HECTD4: variants seen among roughly 807,000 people sequenced by gnomAD.
The protein encoded by HECTD4 is probable E3 ubiquitin-protein ligase HECTD4.
In HECTD4, 114 loss-of-function variants were observed where a neutral mutation model predicts 471.5. The observed-to-expected ratio is 0.24, with a 90% CI of 0.21 to 0.28. The LOEUF (loss-of-function observed/expected upper bound fraction) is 0.28. HECTD4 is among the 10% of genes least tolerant of loss of function. HECTD4 has a pLI of 1.00. For missense variants in HECTD4, 3,866 were observed against 5,651.5 expected (o/e 0.68, Z 10.13); for synonymous variants, 2,012 against 2,256.0 (o/e 0.89, Z 3.07).
intron 1 of HECTD4, chr12:112,323,221 A>G (rs1242293440): frequency 6.6e-6 from 1 of 152,338 alleles, no homozygotes; most frequent in Non-Finnish European, 1.5e-5. Context: ...ATAAATAAAT[A>G]AAATAAAATA....
intron 4 of HECTD4, among the ~76,000 whole-genome samples, chr12:112,311,624 A>G (rs1285772475): frequency 2.0e-5 from 3 of 150,934 alleles, no homozygotes; most frequent in Non-Finnish European, 4.4e-5. Flanking sequence ...CATCTCAAAA[A>G]AAAAAAAAAA....
intron 8 of HECTD4, 78 bp from the exon 9 acceptor site, chr12:112,279,464 T>G (rs565256460): frequency 4.0e-6 from 5 of 1,257,896 alleles, no homozygotes; most frequent in African/African-American, 1.5e-5. Context: ...GATTAGGATA[T>G]AATGAGGGAG....
Position 112,235,020 on chromosome 12 carries a change from T to A in HECTD4, c.5915+57A>T. The A allele has an allele frequency of 6.8e-7, 1 of 1,476,738 alleles. No individual in the cohort carries two copies. Among genetic ancestry groups the A allele is most frequent in the Non-Finnish European group, 9.2e-7 (1 of 1,088,266 alleles). The allele number at this position is 1,476,738 out of a possible 1,614,324, so 91.5% of individuals were successfully genotyped here. On this transcript the variant is annotated intron_variant, in intron 37 of 75. Coordinates refer to ENST00000682272, the MANE Select transcript of HECTD4 (RefSeq NM_001388303.1). This position sits in a 1 kb window ranked among gnomAD's most constrained non-coding sequence, Gnocchi z 5.0. ...CATGTACAGGGCTTACTTAGCACAG[T>A]GCCTGTGACATGGGTGGTGCTTGAG...
Position 112,371,475 on chromosome 12 carries a change from C to T in HECTD4, c.177+10477G>A, listed in dbSNP as rs564223739. ...CTGTAATCTCAGCTACTTGGGAGGC[C>T]GAGGCAGAAGAATAGCTTGAACCCA... On this transcript the variant is annotated intron_variant, in intron 1 of 75. Coordinates refer to ENST00000682272, the MANE Select transcript of HECTD4 (RefSeq NM_001388303.1). Among the ~76,000 whole-genome samples the T allele has an allele frequency of 1.9e-3, 289 of 151,390 alleles. 6 individuals are homozygous for T. The highest frequency in any genetic ancestry group is 2.9e-3 in the East Asian group (15 of 5,138).
chr12:112,251,169 G>C, intron 23 of HECTD4, 35 bp from the exon 24 acceptor site: 2 of 1,600,220 alleles, frequency 1.2e-6, no homozygotes, highest in East Asian at 4.5e-5. Flanking sequence ...ACACTGGTCA[G>C]TGTACACTGG....
At position 112,227,305 on chromosome 12, in the gene HECTD4, T is replaced by C. The variant is rs530842308; in HGVS notation, c.6855-547A>G. ...CGAGACCCCATCTCTACTAAAAATA[T>C]AAAAATTAGCCAGGAGTGGTGGTAT... On this transcript the variant is annotated intron_variant, in intron 43 of 75. Transcript: ENST00000682272. Among the ~76,000 whole-genome samples the C allele has an allele frequency of 3.9e-4, 60 of 151,908 alleles. No individual in the cohort carries two copies. In the East Asian group the frequency reaches 9.9e-3, roughly 25 times the overall value.
At chr12:112,349,248 G>A (rs999234572) in intron 1 of HECTD4, among the ~76,000 whole-genome samples, 1 of 151,834 alleles carries the variant, frequency 6.6e-6, no homozygotes, top group African/African-American at 2.4e-5. Flanking sequence ...ACTTAGCCGG[G>A]TGTGGTAACA....
chr12:112,251,165 G>C (rs1178531112), intron 23 of HECTD4, 31 bp from the exon 24 acceptor site: 1 of 1,606,542 alleles, frequency 6.2e-7, no homozygotes, highest in Non-Finnish European at 8.5e-7. Flanking sequence ...AACCACACTG[G>C]TCAGTGTACA....
chr12:112,212,688 CT>C, intron 48 of HECTD4, 38 bp from the exon 49 acceptor site: 1 of 1,548,008 alleles, frequency 6.5e-7, no homozygotes, highest in Admixed American at 2.0e-5. Flanking sequence ...TATTTTCTCC[CT>C]TTTATTAAGT....
chr12:112,332,821 A>AC (rs2035868968), intron 1 of HECTD4, among the ~76,000 whole-genome samples: 1 of 152,032 alleles, frequency 6.6e-6, no homozygotes, highest in Admixed American at 6.6e-5. Context: ...CAAAAAAAAA[A>AC]AACAAAAATC....
chr12:112,314,043 C>T (rs576711479), intron 3 of HECTD4, among the ~76,000 whole-genome samples: 24 of 151,694 alleles, frequency 1.6e-4, no homozygotes, highest in Non-Finnish European at 3.2e-4. Context: ...TAAGCTATTG[C>T]ATCTTTATTT....
intron 1 of HECTD4, among the ~76,000 whole-genome samples, chr12:112,348,036 C>A (rs1345505755): frequency 6.6e-6 from 1 of 152,166 alleles, no homozygotes; most frequent in Non-Finnish European, 1.5e-5. Flanking sequence ...AGAGATCTAC[C>A]ATAAAATAGC....
intron 1 of HECTD4, among the ~76,000 whole-genome samples, chr12:112,325,985 C>T (rs546926772): frequency 5.9e-5 from 9 of 152,090 alleles, no homozygotes; most frequent in South Asian, 2.1e-4. Context: ...GACAGGGTCT[C>T]GCTATGTTGC....
Position 112,190,818 on chromosome 12 carries a change from G to A in HECTD4, c.9440C>T (p.Thr3147Ile), listed in dbSNP as rs1472818564. ...KSEDEPDTIP[T>I]SVLLQVVELL... The stretch of plus-strand genomic sequence containing the variant: ...CTCCACCACCTGCAGGAGGACGGAT[G>A]TCGGAATGGTGTCAGGCTCATCTTC... The change falls in exon 60 of 76, where the codon ACA becomes ATA. Residue 3147 changes from threonine to isoleucine, a missense_variant. Around this residue, in one of 16 missense-constraint regions of HECTD4, gnomAD observed 364 missense variants for 413.2 expected, o/e 0.88. Coordinates refer to ENST00000682272, the MANE Select transcript of HECTD4 (RefSeq NM_001388303.1). The A allele has an allele frequency of 1.7e-5, 27 of 1,589,840 alleles. No homozygotes were observed. Among genetic ancestry groups the A allele is most frequent in the Non-Finnish European group, 2.1e-5 (25 of 1,168,116 alleles).
At chr12:112,326,878 C>T (rs923072939) in intron 1 of HECTD4, among the ~76,000 whole-genome samples, 3 of 151,872 alleles carry the variant, frequency 2.0e-5, no homozygotes, top group Non-Finnish European at 4.4e-5. Flanking sequence ...AATATATATA[C>T]AAATATATAT....
At chr12:112,311,437 CATAAATAAATAA>C (rs112895022) in intron 4 of HECTD4, among the ~76,000 whole-genome samples, 15 of 140,852 alleles carry the variant, frequency 1.1e-4, no homozygotes, top group East Asian at 8.4e-4. Flanking sequence ...CCCGTCTCTA[CATAAATAAATAA>C]ATAAATAAAT....
In HECTD4 at chr12:112,226,682, C is replaced by T; in HGVS notation, c.6931G>A (p.Val2311Ile). 3 of 1,613,092 alleles carry T rather than the reference C, an allele frequency of 1.9e-6. No homozygotes were observed. Among genetic ancestry groups the T allele is most frequent in the Non-Finnish European group, 2.5e-6 (3 of 1,179,488 alleles). ...EEFIQQCPAAVEVLNLVAQEC... is the reference protein window; with the variant it reads ...EEFIQQCPAAIEVLNLVAQEC... Reference sequence around the variant, plus strand: ...TGGGCTACTAGGTTAAGAACTTCAACAGCTGCTGGACATTGTTGTATGAAT... The same window carrying T: ...TGGGCTACTAGGTTAAGAACTTCAATAGCTGCTGGACATTGTTGTATGAAT... The change falls in exon 44 of 76, where the codon GTT (valine) becomes ATT (isoleucine). Residue 2311 changes from valine to isoleucine, a missense_variant. This residue lies in a region of HECTD4 where 617 missense variants were observed against 915.1 expected (regional missense o/e 0.67). Transcript: ENST00000682272.
chr12:112,220,896 C>G (rs2033074813), intron 44 of HECTD4, among the ~76,000 whole-genome samples: 1 of 152,174 alleles, frequency 6.6e-6, no homozygotes, highest in Non-Finnish European at 1.5e-5. Context: ...AGGAGGACTG[C>G]TTAAGCCCAG....
chr12:112,177,734 A>G (rs12579336), intron 64 of HECTD4, among the ~76,000 whole-genome samples: 13,922 of 152,268 alleles, frequency 0.091, 698 homozygotes, highest in East Asian at 0.23. Context: ...CTGGTCTGAA[A>G]TGATTTCCAA....
Sources: allele counts gnomAD v4.1 joint callset (sites outside exome capture counted in the v4.1 genomes callset), GRCh38; gene constraint gnomAD v4.1.1; regional missense constraint gnomAD v4.1.1; non-coding constraint Gnocchi (gnomAD v3.1); transcripts MANE v1.5; gene names NCBI Gene and HGNC (gene_info 2026-07-23, HGNC 2026-07-21).